PLCL1: variants seen among roughly 807,000 people sequenced by gnomAD.
PLCL1 encodes inactive phospholipase C-like protein 1.
Under a neutral mutation model 84.4 loss-of-function variants are expected in PLCL1, and 41 were observed. The ratio of observed to expected loss-of-function variants is 0.49; its 90% confidence interval spans 0.38 to 0.63. The LOEUF is 0.63. PLCL1 is among the 30% of genes least tolerant of loss of function. The probability of loss-of-function intolerance (pLI) is 0.00; values close to 1 mark genes in which losing one functional copy is unlikely to be tolerated. For missense variants in PLCL1, 1,206 were observed against 1,367.8 expected (o/e 0.88, Z 1.87); for synonymous variants, 490 against 488.3 (o/e 1.00, Z -0.05).
intron 1 of PLCL1, among the ~76,000 whole-genome samples, chr2:197,995,753 G>A (rs1222272099): frequency 1.3e-5 from 2 of 152,158 alleles, no homozygotes; most frequent in South Asian, 4.2e-4. Flanking sequence ...TGTACAGGAG[G>A]AAATCACTTA....
At chr2:198,034,803 G>C (rs1691517235) in intron 1 of PLCL1, among the ~76,000 whole-genome samples, 1 of 152,168 alleles carries the variant, frequency 6.6e-6, no homozygotes, top group Non-Finnish European at 1.5e-5. Flanking sequence ...GTGTTGTGCT[G>C]TCATTTTTAA....
chr2:197,867,542 T>C (rs1339526426), intron 1 of PLCL1, among the ~76,000 whole-genome samples: 1 of 152,148 alleles, frequency 6.6e-6, no homozygotes, highest in Admixed American at 6.6e-5. Context: ...GAAATAGACA[T>C]AGTTTCTAAT....
At chr2:197,828,592 C>G (rs914977344) in intron 1 of PLCL1, among the ~76,000 whole-genome samples, 2 of 152,078 alleles carry the variant, frequency 1.3e-5, no homozygotes. Flanking sequence ...TCTTTTAAAA[C>G]TTATACCTTT....
chr2:197,910,054 C>G (rs1688454484), intron 1 of PLCL1, among the ~76,000 whole-genome samples: 1 of 152,162 alleles, frequency 6.6e-6, no homozygotes, highest in African/African-American at 2.4e-5. Context: ...GACTTGCTTT[C>G]TTCATCTGTA....
At chr2:198,075,338 G>C (rs1356006965) in intron 1 of PLCL1, among the ~76,000 whole-genome samples, 1 of 152,204 alleles carries the variant, frequency 6.6e-6, no homozygotes, top group African/African-American at 2.4e-5. Context: ...ACTGATAGCC[G>C]CAAGTCGTTC....
chr2:198,073,882 A>G (rs1692519047), intron 1 of PLCL1, among the ~76,000 whole-genome samples: 1 of 152,186 alleles, frequency 6.6e-6, no homozygotes, highest in Non-Finnish European at 1.5e-5. Context: ...TTAATGTATT[A>G]TTTCTTAAGT....
chr2:198,032,419 G>A (rs995868195), intron 1 of PLCL1, among the ~76,000 whole-genome samples: 5 of 152,180 alleles, frequency 3.3e-5, no homozygotes, highest in Middle Eastern at 3.2e-3. Context: ...GCCTCAGAAA[G>A]ATAAAATAAG....
intron 1 of PLCL1, among the ~76,000 whole-genome samples, chr2:197,957,804 C>G (rs376997195): frequency 2.6e-5 from 4 of 152,136 alleles, no homozygotes; most frequent in African/African-American, 9.6e-5. Flanking sequence ...CATATTCCTT[C>G]TATCCAAAGT....
chr2:197,998,428 A>G (rs952039704), intron 1 of PLCL1, among the ~76,000 whole-genome samples: 2 of 152,086 alleles, frequency 1.3e-5, no homozygotes, highest in African/African-American at 4.8e-5. Flanking sequence ...GTAGGGAGGC[A>G]GAAACAGTGA....
intron 1 of PLCL1, among the ~76,000 whole-genome samples, chr2:197,858,449 T>C (rs1687370413): frequency 6.6e-6 from 1 of 152,184 alleles, no homozygotes; most frequent in African/African-American, 2.4e-5. Context: ...CTCTATCGCG[T>C]TCTCCCTTAT....
intron 1 of PLCL1, among the ~76,000 whole-genome samples, chr2:197,871,848 T>C (rs186154142): frequency 3.9e-5 from 6 of 152,132 alleles, no homozygotes; most frequent in African/African-American, 1.4e-4. Flanking sequence ...CGACCAGCAC[T>C]GCAACACTCA....
At chr2:197,837,710 G>A (rs756100206) in intron 1 of PLCL1, among the ~76,000 whole-genome samples, 2 of 152,220 alleles carry the variant, frequency 1.3e-5, no homozygotes, top group Non-Finnish European at 2.9e-5. Flanking sequence ...CAAAGTTAGT[G>A]TGTAAAATTG....
intron 3 of PLCL1, among the ~76,000 whole-genome samples, chr2:198,091,496 A>G (rs1400707924): frequency 6.6e-6 from 1 of 151,876 alleles, no homozygotes; most frequent in Non-Finnish European, 1.5e-5. Context: ...CCTGGCCAAC[A>G]TAGTGAAACC....
chr2:198,098,726 T>A (rs1693258836), intron 3 of PLCL1, among the ~76,000 whole-genome samples: 1 of 152,228 alleles, frequency 6.6e-6, no homozygotes, highest in South Asian at 2.1e-4. Context: ...ATCTTTTCAG[T>A]ATTATTAAAT....
intron 1 of PLCL1, among the ~76,000 whole-genome samples, chr2:197,862,784 C>T (rs76789019): frequency 0.015 from 2,221 of 152,156 alleles, 62 homozygotes; most frequent in African/African-American, 0.051. Flanking sequence ...CTGTCCAACC[C>T]CAGATGAACT....
chr2:198,005,908 A>G (rs1028618597), intron 1 of PLCL1, among the ~76,000 whole-genome samples: 3 of 152,256 alleles, frequency 2.0e-5, no homozygotes, highest in Admixed American at 6.5e-5. Context: ...AATTAAAAAA[A>G]TGGGGACATC....
intron 1 of PLCL1, among the ~76,000 whole-genome samples, chr2:198,075,324 C>T (rs931865007): frequency 1.3e-5 from 2 of 152,188 alleles, no homozygotes; most frequent in African/African-American, 4.8e-5. Flanking sequence ...CTTAGAGGGA[C>T]AGGACTGATA....
chr2:197,977,972 C>T (rs185388955), intron 1 of PLCL1, among the ~76,000 whole-genome samples: 23 of 152,264 alleles, frequency 1.5e-4, no homozygotes, highest in South Asian at 1.0e-3. Context: ...GGTCTAACTC[C>T]GGTGGCACTT....
intron 3 of PLCL1, among the ~76,000 whole-genome samples, chr2:198,096,007 C>T (rs1693181192): frequency 6.6e-6 from 1 of 152,118 alleles, no homozygotes; most frequent in African/African-American, 2.4e-5. Flanking sequence ...TTTGATATGC[C>T]ATTTTGTATA....
Sources: allele counts gnomAD v4.1 joint callset (sites outside exome capture counted in the v4.1 genomes callset), GRCh38; gene constraint gnomAD v4.1.1; transcripts MANE v1.5; gene names NCBI Gene and HGNC (gene_info 2026-07-23, HGNC 2026-07-21).